MAGI2: variants seen among roughly 807,000 people sequenced by gnomAD.
MAGI2 encodes the protein membrane associated guanylate kinase, WW and PDZ domain containing 2, also known as membrane-associated guanylate kinase, WW and PDZ domain-containing protein 2.
Under a neutral mutation model 133.3 loss-of-function variants are expected in MAGI2, and 35 were observed. That is an observed-to-expected ratio of 0.26 (90% CI 0.20 to 0.35). The LOEUF (loss-of-function observed/expected upper bound fraction) is 0.35. Ranked by LOEUF, MAGI2 falls within the 10% of genes least tolerant of loss-of-function variation. The probability of loss-of-function intolerance (pLI) is 1.00; values close to 1 mark genes in which losing one functional copy is unlikely to be tolerated. For missense variants in MAGI2, 1,636 were observed against 1,863.4 expected, an observed-to-expected ratio of 0.88 and a Z score of 2.25; for synonymous variants, 729 against 710.6, an observed-to-expected ratio of 1.03 and a Z score of -0.41.
Position 78,847,893 on chromosome 7 carries a change from T to G in MAGI2, c.418+159197A>C, listed in dbSNP as rs556404086. 5.1e-4 allele frequency among the ~76,000 whole-genome samples: 77 copies of G among 152,156 alleles called. 1 individual carries two copies. Among genetic ancestry groups the G allele is most frequent in the African/African-American group, 1.7e-3 (71 of 41,556 alleles). On this transcript the variant is annotated intron_variant, in intron 2 of 21. Transcript: ENST00000354212. ...GGATTTTGTGCTTTGTTCACTGTTA[T>G]GTCATCAGTATCTGGCATATGGTAA...
chr7:78,569,139 C>A (rs1241034286), intron 3 of MAGI2, among the ~76,000 whole-genome samples: 1 of 150,722 alleles, frequency 6.6e-6, no homozygotes, highest in Non-Finnish European at 1.5e-5. Flanking sequence ...CACACACACA[C>A]ACACACACGT....
At chr7:78,439,432 C>T (rs1000285627) in intron 6 of MAGI2, among the ~76,000 whole-genome samples, 8 of 152,126 alleles carry the variant, frequency 5.3e-5, no homozygotes, top group African/African-American at 1.7e-4. Context: ...ATAAGATAAA[C>T]GTGACAAAAT....
intron 1 of MAGI2, among the ~76,000 whole-genome samples, chr7:79,052,037 C>A (rs904744982): frequency 3.3e-5 from 5 of 151,888 alleles, no homozygotes; most frequent in African/African-American, 2.4e-5. Context: ...GGGTATAGTT[C>A]CTAACACTCC....
intron 2 of MAGI2, among the ~76,000 whole-genome samples, chr7:78,929,902 C>A (rs79582712): frequency 0.012 from 1,880 of 152,146 alleles, 50 homozygotes; most frequent in East Asian, 0.11. Context: ...CCTACAAACC[C>A]AGCTAAAAAT....
chr7:78,410,085 T>G (rs1328203055), intron 6 of MAGI2, among the ~76,000 whole-genome samples: 1 of 151,544 alleles, frequency 6.6e-6, no homozygotes, highest in African/African-American at 2.4e-5. Context: ...CCGGGAAAGC[T>G]AAAAGAATAG....
intron 6 of MAGI2, among the ~76,000 whole-genome samples, chr7:78,416,347 T>C (rs558070950): frequency 1.3e-5 from 2 of 152,058 alleles, no homozygotes; most frequent in Non-Finnish European, 2.9e-5. Flanking sequence ...AGGAAATTGG[T>C]TTAGGTTTAC....
At chr7:79,259,968 T>C (rs535855108) in intron 1 of MAGI2, among the ~76,000 whole-genome samples, 1 of 152,348 alleles carries the variant, frequency 6.6e-6, no homozygotes, top group East Asian at 1.9e-4. Context: ...GAGAATCCAA[T>C]GTGTTTGATT....
At chr7:78,250,681 A>G (rs1053003651) in intron 10 of MAGI2, among the ~76,000 whole-genome samples, 1 of 152,088 alleles carries the variant, frequency 6.6e-6, no homozygotes, top group African/African-American at 2.4e-5. Context: ...CTAGAAATAC[A>G]TAAATTACCA....
intron 9 of MAGI2, among the ~76,000 whole-genome samples, chr7:78,314,933 T>C (rs1278346803): frequency 6.6e-6 from 1 of 152,186 alleles, no homozygotes; most frequent in African/African-American, 2.4e-5. Context: ...CTGTTGGGTA[T>C]ACCCCTTTAT....
intron 1 of MAGI2, among the ~76,000 whole-genome samples, chr7:79,202,925 T>C (rs1336347279): frequency 6.6e-6 from 1 of 151,992 alleles, no homozygotes; most frequent in Non-Finnish European, 1.5e-5. Context: ...AACCATCTAC[T>C]TGACATCTTC....
Position 78,266,225 on chromosome 7 carries a change from C to T in MAGI2, c.1409-9644G>A, listed in dbSNP as rs185045391. Among the ~76,000 whole-genome samples, 216 of 152,278 alleles carry T rather than the reference C, an allele frequency of 1.4e-3. 3 individuals carry two copies. The highest frequency in any genetic ancestry group is 5.1e-3 in the African/African-American group (210 of 41,570). Reference sequence around the variant, plus strand: ...GCAGTGTTTTTATGTTTATTTGAGACAAGGTTTCCCTGTCACCCAGGCTAA... The same window carrying T: ...GCAGTGTTTTTATGTTTATTTGAGATAAGGTTTCCCTGTCACCCAGGCTAA... On this transcript the variant is annotated intron_variant, in intron 9 of 21. Transcript: ENST00000354212.
At chr7:78,609,748 C>T (rs1806237141) in intron 3 of MAGI2, among the ~76,000 whole-genome samples, 1 of 152,112 alleles carries the variant, frequency 6.6e-6, no homozygotes, top group Non-Finnish European at 1.5e-5. Flanking sequence ...CAAGGTAATA[C>T]TAAGAGACAC....
chr7:78,386,196 A>G (rs1795375121), intron 6 of MAGI2, among the ~76,000 whole-genome samples: 1 of 152,166 alleles, frequency 6.6e-6, no homozygotes, highest in South Asian at 2.1e-4. Flanking sequence ...TATAAAATAC[A>G]ATAGTGATAT....
At chr7:79,337,929 A>G (rs1840560941) in intron 1 of MAGI2, among the ~76,000 whole-genome samples, 2 of 152,082 alleles carry the variant, frequency 1.3e-5, no homozygotes, top group South Asian at 2.1e-4. Context: ...GCTGCATGCA[A>G]ATGAGTAAAG....
In MAGI2 at chr7:78,256,585, T is replaced by G; in HGVS notation, c.1409-4A>C. The stretch of plus-strand genomic sequence containing the variant: ...TTAATATAGACAATGACATCACCTG[T>G]AAGAAAAAAAGAGATTGACAACATG... On this transcript the variant is annotated splice_polypyrimidine_tract_variant and splice_region_variant and intron_variant, in intron 9 of 21. Transcript: ENST00000354212. 2.5e-6 allele frequency: 4 copies of G among 1,599,770 alleles called. No individual in the cohort carries two copies. Among genetic ancestry groups the G allele is most frequent in the African/African-American group, 1.4e-5 (1 of 73,714 alleles).
chr7:78,349,952 A>G (rs1023369403), intron 7 of MAGI2, among the ~76,000 whole-genome samples: 1 of 152,222 alleles, frequency 6.6e-6, no homozygotes, highest in Non-Finnish European at 1.5e-5. Context: ...TAGCTATTTC[A>G]TCTAGCTTCC....
At chr7:79,264,973 T>C (rs1014305300) in intron 1 of MAGI2, among the ~76,000 whole-genome samples, 2 of 152,012 alleles carry the variant, frequency 1.3e-5, no homozygotes, top group African/African-American at 2.4e-5. Context: ...AGGACATTAG[T>C]CCATGAGGAA....
At chr7:78,737,118 T>G (rs1479480557) in intron 2 of MAGI2, among the ~76,000 whole-genome samples, 1 of 152,240 alleles carries the variant, frequency 6.6e-6, no homozygotes, top group African/African-American at 2.4e-5. Context: ...TGACAGTGAT[T>G]GTTACCAATA....
intron 6 of MAGI2, among the ~76,000 whole-genome samples, chr7:78,419,364 A>C (rs1414652460): frequency 2.0e-5 from 3 of 150,314 alleles, no homozygotes; most frequent in African/African-American, 4.9e-5. Flanking sequence ...CAGAGAATTT[A>C]CCGGCCTATG....
Sources: gnomAD v4.1 joint callset for allele counts (sites outside exome capture counted in the v4.1 genomes callset) on GRCh38, gnomAD v4.1.1 for gene constraint, MANE v1.5 for transcripts, NCBI Gene and HGNC (gene_info 2026-07-23, HGNC 2026-07-21) for gene names.